Variants in SPTLC3 observed in about 807,000 individuals in gnomAD.
The protein encoded by SPTLC3 is serine palmitoyltransferase 3.
Under a neutral mutation model 59.3 loss-of-function variants are expected in SPTLC3, and 36 were observed. The observed-to-expected ratio is 0.61, with a 90% CI of 0.47 to 0.80. The LOEUF is 0.80. SPTLC3 is among the 30% of genes least tolerant of loss of function. The pLI is 0.00. For missense variants in SPTLC3, 625 were observed against 685.1 expected (o/e 0.91, Z 0.98); for synonymous variants, 257 against 240.8 (o/e 1.07, Z -0.62).
At chr20:13,053,738 A>C (rs1987599319) in intron 2 of SPTLC3, among the ~76,000 whole-genome samples, 1 of 152,124 alleles carries the variant, frequency 6.6e-6, no homozygotes, top group Non-Finnish European at 1.5e-5. Context: ...AACTTCGTGA[A>C]GCATACACAA....
chr20:13,029,360 A>C (rs1264508439), intron 1 of SPTLC3, among the ~76,000 whole-genome samples: 1 of 152,202 alleles, frequency 6.6e-6, no homozygotes, highest in Non-Finnish European at 1.5e-5. Context: ...TTAATATTCC[A>C]GTCAGATAAC....
Position 13,164,537 on chromosome 20 carries a change from G to T in SPTLC3, c.1546-217G>T, listed in dbSNP as rs941971286. On this transcript the variant is annotated intron_variant, in intron 11 of 11. Transcript: ENST00000399002. ...AAATAAAATAAACATTCATAGTATG[G>T]AGTTAGACCACTAAATAAAATTAAT... 2.4e-5 allele frequency: 14 copies of T among 575,394 alleles called. No individual in the cohort carries two copies. The African/African-American group carries it at 2.6e-4, about 11-fold the overall frequency. 35.6% of individuals were successfully genotyped at this position (575,394 alleles called of 1,614,324 possible). A position where few individuals can be genotyped will look rare whatever the true frequency, so the allele number is the denominator to read the frequency against.
intron 8 of SPTLC3, among the ~76,000 whole-genome samples, chr20:13,126,277 A>C (rs2037987921): frequency 6.6e-6 from 1 of 152,214 alleles, no homozygotes; most frequent in African/African-American, 2.4e-5. Flanking sequence ...GTCAGTGCTC[A>C]CACATAGTAG....
At chr20:13,134,726 G>A (rs900234224) in intron 9 of SPTLC3, among the ~76,000 whole-genome samples, 1 of 151,856 alleles carries the variant, frequency 6.6e-6, no homozygotes, top group Non-Finnish European at 1.5e-5. Flanking sequence ...ACAGAGGATG[G>A]AATTCTGGCA....
Position 13,027,651 on chromosome 20 carries a change from A to G in SPTLC3, c.117+18267A>G, listed in dbSNP as rs1161954895. On this transcript the variant is annotated intron_variant, in intron 1 of 11. Coordinates refer to ENST00000399002, the MANE Select transcript of SPTLC3 (RefSeq NM_018327.4). ...AATCTATTTCAGCACGCACACACAC[A>G]CACACACACACACACACACACACAC... Among the ~76,000 whole-genome samples the G allele has an allele frequency of 2.1e-4, 24 of 116,570 alleles. No individual in the cohort carries two copies. In the East Asian group the frequency reaches 3.6e-3, roughly 18 times the overall value. 76.5% of individuals were successfully genotyped at this position (116,570 alleles called of 152,430 possible).
chr20:13,161,798 G>A (rs1331693604), intron 11 of SPTLC3, among the ~76,000 whole-genome samples: 3 of 152,186 alleles, frequency 2.0e-5, no homozygotes, highest in Non-Finnish European at 1.5e-5. Context: ...GATAACTTGA[G>A]TTTGAAATTA....
chr20:13,163,065 G>A (rs2038924450), intron 11 of SPTLC3, among the ~76,000 whole-genome samples: 1 of 151,980 alleles, frequency 6.6e-6, no homozygotes, highest in African/African-American at 2.4e-5. Context: ...AGTTTAAAAG[G>A]TTGAGATAAA....
At position 13,167,747 on chromosome 20, in the gene SPTLC3, T is replaced by C. The variant is rs2039002022; in HGVS notation, c.*2880T>C. The stretch of plus-strand genomic sequence containing the variant: ...CAGGCTTTGGAATTTACTAGGAAGC[T>C]GGCTAAAATCCATACCCCTAGGCCC... On this transcript the variant is annotated 3_prime_UTR_variant, in exon 12 of 12. Coordinates refer to ENST00000399002, the MANE Select transcript of SPTLC3 (RefSeq NM_018327.4). 6.6e-6 allele frequency: 1 copy of C among 152,228 alleles called. No homozygotes were observed. Among genetic ancestry groups the C allele is most frequent in the Admixed American group, 6.5e-5 (1 of 15,278 alleles). 9.4% of individuals were successfully genotyped at this position (152,228 alleles called of 1,614,324 possible). A position where few individuals can be genotyped will look rare whatever the true frequency, so the allele number is the denominator to read the frequency against.
At chr20:13,020,856 G>A (rs1487604216) in intron 1 of SPTLC3, among the ~76,000 whole-genome samples, 2 of 151,940 alleles carry the variant, frequency 1.3e-5, no homozygotes, top group African/African-American at 4.8e-5. Context: ...ATGAGGCTAT[G>A]GTAAAGAATA....
intron 4 of SPTLC3, 146 bp from the exon 5 acceptor site, chr20:13,090,937 T>A: frequency 1.8e-6 from 2 of 1,096,742 alleles, no homozygotes; most frequent in Non-Finnish European, 2.6e-6. Context: ...ATTTGGGCTG[T>A]TTCTAGATTA....
At chr20:13,124,490 G>A (rs1253896982) in intron 8 of SPTLC3, among the ~76,000 whole-genome samples, 1 of 151,932 alleles carries the variant, frequency 6.6e-6, no homozygotes, top group Non-Finnish European at 1.5e-5. Context: ...AAGCTAGAAG[G>A]AAAGGAAGAA....
chr20:13,111,729 C>T (rs1990243665), intron 7 of SPTLC3, among the ~76,000 whole-genome samples: 1 of 152,150 alleles, frequency 6.6e-6, no homozygotes, highest in Admixed American at 6.5e-5. Context: ...GAACACAGAT[C>T]AGCTGAGAGA....
At chr20:13,074,729 A>G (rs6134770) in intron 4 of SPTLC3, among the ~76,000 whole-genome samples, 41,640 of 152,128 alleles carry the variant, frequency 0.27, 5,870 homozygotes, top group Middle Eastern at 0.35. Context: ...TTTCCTGCCC[A>G]TATTATCTAA....
chr20:13,085,290 T>A (rs1988969868), intron 4 of SPTLC3, among the ~76,000 whole-genome samples: 1 of 152,088 alleles, frequency 6.6e-6, no homozygotes, highest in African/African-American at 2.4e-5. Context: ...ATAACCTCCA[T>A]TAGACTGGAT....
At chr20:13,013,515 G>T (rs1985363318) in intron 1 of SPTLC3, among the ~76,000 whole-genome samples, 1 of 151,968 alleles carries the variant, frequency 6.6e-6, no homozygotes, top group Admixed American at 6.5e-5. Context: ...CTTGTCTTTG[G>T]TGTTCATTTT....
intron 2 of SPTLC3, among the ~76,000 whole-genome samples, chr20:13,060,910 C>T (rs566104745): frequency 2.0e-5 from 3 of 152,114 alleles, no homozygotes; most frequent in African/African-American, 7.2e-5. Flanking sequence ...CTGTTTTCAA[C>T]GGTGCTACAA....
rs375512453 is a variant in SPTLC3 at position 13,086,689 on chromosome 20, A to G, written c.608-4394A>G. ...TTTGCTAACCATGTGCCCACTGGAA[A>G]TCCTGAAAAAGGACTGTGTCTGGGG... On this transcript the variant is annotated intron_variant, in intron 4 of 11. Coordinates refer to ENST00000399002, the MANE Select transcript of SPTLC3 (RefSeq NM_018327.4). 2.2e-4 allele frequency among the ~76,000 whole-genome samples: 33 copies of G among 152,314 alleles called. 2 individuals are homozygous for G. The South Asian group carries it at 2.7e-3, about 12-fold the overall frequency.
intron 4 of SPTLC3, chr20:13,079,991 C>A: frequency 3.9e-6 from 1 of 253,186 alleles, no homozygotes; most frequent in Non-Finnish European, 8.1e-6. Context: ...AAAACACCCA[C>A]AGAAACCTGA....
At chr20:13,089,488 C>G (rs1034392711) in intron 4 of SPTLC3, among the ~76,000 whole-genome samples, 7 of 145,520 alleles carry the variant, frequency 4.8e-5, no homozygotes. Context: ...TGTGTAATCA[C>G]TATAAAAAAA....
Sources: allele counts gnomAD v4.1 joint callset (sites outside exome capture counted in the v4.1 genomes callset), GRCh38; gene constraint gnomAD v4.1.1; transcripts MANE v1.5; gene names NCBI Gene and HGNC (gene_info 2026-07-23, HGNC 2026-07-21).